CDK9: variants seen among roughly 807,000 people sequenced by gnomAD.
CDK9 encodes cyclin dependent kinase 9.
In CDK9, 34 loss-of-function variants were observed where a neutral mutation model predicts 39.0. The ratio of observed to expected loss-of-function variants is 0.87; its 90% CI spans 0.66 to 1.16. The LOEUF (loss-of-function observed/expected upper bound fraction) is 1.16. CDK9 is among the 50% of genes most tolerant of loss of function. CDK9 has a pLI of 0.00. For missense variants in CDK9, 369 were observed against 503.2 expected (o/e 0.73, Z 2.55); for synonymous variants, 233 against 196.2 (o/e 1.19, Z -1.57).
Position 127,787,995 on chromosome 9 carries a change from T to TC in CDK9, c.315dup (p.Cys106LeufsTer4), listed in dbSNP as rs1448297532. The TC allele has an allele frequency of 3.7e-6, 6 of 1,614,222 alleles. No individual in the cohort carries two copies. The highest frequency in any genetic ancestry group is 5.1e-6 in the Non-Finnish European group (6 of 1,180,050). On this transcript the variant is annotated frameshift_variant, in exon 4 of 7. Transcript: ENST00000373264. LOFTEE classifies it high-confidence loss of function. The stretch of plus-strand genomic sequence containing the variant: ...GGTAGTATATACCTGGTGTTCGACT[T>TC]CTGCGAGCATGACCTTGCTGGGCTG...
chr9:127,787,635 A>G (rs991932335), intron 3 of CDK9, 27 bp downstream of exon 3: 2 of 1,509,566 alleles, frequency 1.3e-6, no homozygotes, highest in African/African-American at 2.8e-5. Context: ...TTACGAGAAG[A>G]TGACACTTGT....
intron 6 of CDK9, 50 bp downstream of exon 6, chr9:127,788,742 G>C (rs776813335): frequency 2.0e-6 from 3 of 1,513,026 alleles, no homozygotes; most frequent in Non-Finnish European, 2.7e-6. Flanking sequence ...TCCCCCGGCA[G>C]AGGAGGAGTG....
At position 127,790,783 on chromosome 9, in the gene CDK9, G is replaced by C. The variant is rs1216277306; in HGVS notation, c.*1240G>C. On this transcript the variant is annotated 3_prime_UTR_variant, in exon 7 of 7. Coordinates refer to ENST00000373264, the MANE Select transcript of CDK9 (RefSeq NM_001261.4). ...CAACACAAAAGGCCAGTAAAAGTAA[G>C]AAAAAAAAATTTTTTTTTTTTTTTT... 2 of 149,986 alleles carry C rather than the reference G, an allele frequency of 1.3e-5. No homozygotes were observed. Among genetic ancestry groups the C allele is most frequent in the Non-Finnish European group, 3.0e-5 (2 of 67,394 alleles). The allele number at this position is 149,986 out of a possible 1,614,324, so 9.3% of individuals were successfully genotyped here.
In CDK9 at chr9:127,788,219, G is replaced by A; in HGVS notation, c.438G>A (p.Leu146=). 2 of 1,613,986 alleles carry A rather than the reference G, an allele frequency of 1.2e-6. No individual in the cohort carries two copies. The highest frequency in any genetic ancestry group is 2.2e-5 in the East Asian group (1 of 44,890). The change falls in exon 5 of 7, where the codon CTG becomes CTA. Residue 146 remains leucine, a synonymous_variant. Transcript: ENST00000373264. ...CACTCTTGCCCTTCCTGCAGATCCT[G>A]CATAGGGACATGAAGGCTGCTAATG... ...GLYYIHRNKI[L]HRDMKAANVL...
At position 127,788,046 on chromosome 9, in the gene CDK9, C is replaced by T. The variant is rs1829362369; in HGVS notation, c.365C>T (p.Thr122Met). ...GLLSNVLVKF[T>M]LSEIKRVMQM... ...TTGAGCAATGTTTTGGTCAAGTTCA[C>T]GCTGTCTGAGATCAAGAGGGTGATG... is the stretch of plus-strand genomic sequence containing the variant. The change falls in exon 4 of 7, where the codon ACG (threonine) becomes ATG (methionine). Residue 122 changes from threonine (T) to methionine (M), a missense_variant. By Grantham distance (81) the Thr-to-Met change is moderately conservative. Transcript: ENST00000373264. 3.1e-6 allele frequency: 5 copies of T among 1,614,216 alleles called. No individual in the cohort carries two copies. Among genetic ancestry groups the T allele is most frequent in the East Asian group, 4.5e-5 (2 of 44,894 alleles).
chr9:127,786,813 G>A lies in CDK9; in HGVS notation c.174+31G>A, dbSNP rs960085621. 8 of 1,596,762 alleles carry A rather than the reference G, an allele frequency of 5.0e-6. No individual in the cohort carries two copies. In the Admixed American group the frequency reaches 6.7e-5, roughly 13 times the overall value. ...TACGGATCGGGCGTGCGGGCCGGCC[G>A]GCTAACTGCCCGGGACCCCGGGTCG... is the stretch of plus-strand genomic sequence containing the variant. On this transcript the variant is annotated intron_variant, in intron 2 of 6. Coordinates refer to ENST00000373264, the MANE Select transcript of CDK9 (RefSeq NM_001261.4).
chr9:127,787,725 T>C, intron 3 of CDK9, 117 bp downstream of exon 3: 1 of 882,976 alleles, frequency 1.1e-6, no homozygotes, highest in Non-Finnish European at 1.8e-6. Context: ...CCATGGTGAC[T>C]GCTTTTTCTG....
At position 127,788,311 on chromosome 9, in the gene CDK9, C is replaced by A; in HGVS notation, c.530C>A (p.Ala177Asp). The A allele has an allele frequency of 6.2e-7, 1 of 1,612,880 alleles. No homozygotes were observed. The highest frequency in any genetic ancestry group is 8.5e-7 in the Non-Finnish European group (1 of 1,179,942). The change falls in exon 5 of 7, where the codon GCC (alanine) becomes GAC (aspartate). Residue 177 changes from alanine to aspartate, a missense_variant. Ala to Asp is a moderately radical substitution (Grantham distance 126). Coordinates refer to ENST00000373264, the MANE Select transcript of CDK9 (RefSeq NM_001261.4). ...DFGLARAFSL[A>D]KNSQPNRYTN... Reference sequence around the variant, plus strand: ...GGGCTGGCCCGGGCCTTCAGCCTGGCCAAGAACAGCCAGCCCAACCGCTAC... The same window carrying A: ...GGGCTGGCCCGGGCCTTCAGCCTGGACAAGAACAGCCAGCCCAACCGCTAC...
At chr9:127,786,415 G>A (rs1213863257) in intron 1 of CDK9, among the ~76,000 whole-genome samples, 175 bp downstream of exon 1, 3 of 152,202 alleles carry the variant, frequency 2.0e-5, no homozygotes, top group African/African-American at 7.2e-5. Flanking sequence ...TGGTGGGGAG[G>A]AGCCTGAGGC....
At position 127,789,043 on chromosome 9, in the gene CDK9, C is replaced by G; in HGVS notation, c.754-135C>G. ...TGCCAATCCATAGCGGGCACTGCTT[C>G]TGGGAGGGGTCGAGTAGCAGTCTGG... On this transcript the variant is annotated intron_variant, in intron 6 of 6. Transcript: ENST00000373264. The surrounding 1 kb of genome is among the most constrained non-coding windows in gnomAD (Gnocchi z 5.2). 8.4e-7 allele frequency: 1 copy of G among 1,186,294 alleles called. No homozygotes were observed. The highest frequency in any genetic ancestry group is 1.6e-5 in the South Asian group (1 of 64,246). The allele number at this position is 1,186,294 out of a possible 1,614,324, so 73.5% of individuals were successfully genotyped here.
chr9:127,788,820 G>T (rs1829378490), intron 6 of CDK9, 128 bp downstream of exon 6: 1 of 982,238 alleles, frequency 1.0e-6, no homozygotes, highest in South Asian at 1.9e-5. Flanking sequence ...CCTGTCTTGG[G>T]GTGGGGAGTG....
chr9:127,789,145 C>G lies in CDK9; in HGVS notation c.754-33C>G, dbSNP rs753417800. 2.6e-6 allele frequency: 4 copies of G among 1,532,074 alleles called. No homozygotes were observed. The East Asian group carries it at 9.1e-5, about 35-fold the overall frequency. 94.9% of individuals were successfully genotyped at this position (1,532,074 alleles called of 1,614,324 possible). A position where few individuals can be genotyped will look rare whatever the true frequency, so the allele number is the denominator to read the frequency against. ...ATAAGCCACGCACCTCCTGACCGGA[C>G]TCCATATTCTCTCAACGCCCCCTCC... On this transcript the variant is annotated intron_variant, in intron 6 of 6. Transcript: ENST00000373264. The surrounding 1 kb of genome is among the most constrained non-coding windows in gnomAD (Gnocchi z 5.2).
Position 127,788,607 on chromosome 9 carries a change from G to A in CDK9, c.668G>A (p.Trp223Ter). ...GCTGGGTGCATCATGGCAGAGATGT[G>A]GACCCGCAGCCCCATCATGCAGGGC... The part of the protein sequence containing the change: ...WGAGCIMAEM[W>*]TRSPIMQGNT... Residue 223 changes from tryptophan (W) to a stop codon, truncating the protein, a stop_gained, in exon 6 of 7, where the codon TGG becomes TAG. Coordinates refer to ENST00000373264, the MANE Select transcript of CDK9 (RefSeq NM_001261.4). LOFTEE classifies it high-confidence loss of function. The A allele has an allele frequency of 6.2e-7, 1 of 1,601,146 alleles. No individual in the cohort carries two copies. Among genetic ancestry groups the A allele is most frequent in the Non-Finnish European group, 8.5e-7 (1 of 1,174,670 alleles).
chr9:127,786,796 G>A lies in CDK9; in HGVS notation c.174+14G>A. ...GAGAAGGAGGGGGTGAGTACGGATC[G>A]GGCGTGCGGGCCGGCCGGCTAACTG... On this transcript the variant is annotated intron_variant, in intron 2 of 6. Transcript: ENST00000373264. 2.5e-6 allele frequency: 4 copies of A among 1,611,730 alleles called. No homozygotes were observed. Among genetic ancestry groups the A allele is most frequent in the Non-Finnish European group, 3.4e-6 (4 of 1,178,470 alleles).
chr9:127,787,224 T>A (rs531341510), intron 2 of CDK9, among the ~76,000 whole-genome samples: 10 of 152,364 alleles, frequency 6.6e-5, no homozygotes, highest in African/African-American at 2.4e-4. Context: ...AGGACATTTT[T>A]AAATCATCAT....
chr9:127,788,422 C>T (rs1275611164), intron 5 of CDK9, 37 bp downstream of exon 5: 1 of 1,590,632 alleles, frequency 6.3e-7, no homozygotes, highest in Non-Finnish European at 8.6e-7. Context: ...GGGTGAGGGC[C>T]AGGCATCTAC....
Position 127,788,584 on chromosome 9 carries a change from T to G in CDK9, c.645T>G (p.Ala215=), listed in dbSNP as rs377539796. ...DYGPPIDLWG[A]GCIMAEMWTR... ...GCCCCCCCATTGACCTGTGGGGTGC[T>G]GGGTGCATCATGGCAGAGATGTGGA... Residue 215 remains alanine, a synonymous_variant, in exon 6 of 7, where the codon GCT becomes GCG. Transcript: ENST00000373264. 353 of 1,587,706 alleles carry G rather than the reference T, an allele frequency of 2.2e-4. No homozygotes were observed. The highest frequency in any genetic ancestry group is 3.0e-4 in the Non-Finnish European group (347 of 1,167,724).
At position 127,787,941 on chromosome 9, in the gene CDK9, C is replaced by T. The variant is rs1207634833; in HGVS notation, c.266-6C>T. On this transcript the variant is annotated splice_region_variant and splice_polypyrimidine_tract_variant and intron_variant, in intron 3 of 6. Transcript: ENST00000373264. ...TGACTTTTTCTTCTTTCTATTCCTG[C>T]CTCAGCTTCCCCCTATAACCGCTGC... is the stretch of plus-strand genomic sequence containing the variant. 5.0e-6 allele frequency: 8 copies of T among 1,613,698 alleles called. No homozygotes were observed. In the Admixed American group the frequency reaches 1.2e-4, roughly 24 times the overall value.
At position 127,787,566 on chromosome 9, in the gene CDK9, C is replaced by T; in HGVS notation, c.223C>T (p.His75Tyr). 1.9e-6 allele frequency: 3 copies of T among 1,613,782 alleles called. No individual in the cohort carries two copies. The highest frequency in any genetic ancestry group is 2.5e-6 in the Non-Finnish European group (3 of 1,179,698). The change falls in exon 3 of 7, where the codon CAC (histidine) becomes TAC (tyrosine). Residue 75 changes from histidine to tyrosine, a missense_variant. By Grantham distance (83) the His-to-Tyr change is moderately conservative. Coordinates refer to ENST00000373264, the MANE Select transcript of CDK9 (RefSeq NM_001261.4). Reference sequence around the variant, plus strand: ...GATCAAGATCCTTCAGCTTCTAAAACACGAGAATGTGGTCAACTTGATTGA... The same window carrying T: ...GATCAAGATCCTTCAGCTTCTAAAATACGAGAATGTGGTCAACTTGATTGA... ...REIKILQLLK[H>Y]ENVVNLIEIC...
Sources: gnomAD v4.1 joint callset for allele counts (sites outside exome capture counted in the v4.1 genomes callset) on GRCh38, gnomAD v4.1.1 for gene constraint, Gnocchi (gnomAD v3.1) non-coding constraint, MANE v1.5 for transcripts, NCBI Gene and HGNC (gene_info 2026-07-23, HGNC 2026-07-21) for gene names.